DOCK2: variants seen among roughly 807,000 people sequenced by gnomAD.
DOCK2 encodes the protein dedicator of cytokinesis 2, also known as dedicator of cytokinesis protein 2.
DOCK2 carries 87 observed loss-of-function variants against 248.9 expected under a neutral mutation model. That is an observed-to-expected ratio of 0.35 (90% CI 0.29 to 0.42). The LOEUF (loss-of-function observed/expected upper bound fraction) is 0.42. Ranked by LOEUF, DOCK2 falls within the 10% of genes least tolerant of loss-of-function variation. DOCK2 has a pLI of 1.00. For synonymous variants in DOCK2, 805 were observed against 821.6 expected (o/e 0.98, Z 0.35); for missense variants, 1,747 against 2,300.2 (o/e 0.76, Z 4.92).
At chr5:169,699,089 T>TCAAGTCTTTACC (rs3841609) in intron 11 of DOCK2, among the ~76,000 whole-genome samples, 91,748 of 151,914 alleles carry the variant, frequency 0.6, 30,542 homozygotes, top group African/African-American at 0.89. Flanking sequence ...CAGGAGCAAC[T>TCAAGTCTTTACC]CTTGCTAAGC....
intron 44 of DOCK2, among the ~76,000 whole-genome samples, chr5:170,064,116 C>T (rs1431411087): frequency 6.6e-6 from 1 of 152,130 alleles, no homozygotes; most frequent in East Asian, 1.9e-4. Context: ...GGAACCCTAA[C>T]ATTTCACACT....
intron 27 of DOCK2, among the ~76,000 whole-genome samples, chr5:169,922,214 G>A (rs1483610513): frequency 6.6e-6 from 1 of 152,152 alleles, no homozygotes; most frequent in African/African-American, 2.4e-5. Flanking sequence ...AGTACAGTGT[G>A]CACATTGCCT....
chr5:169,974,102 C>T (rs891349230), intron 27 of DOCK2, among the ~76,000 whole-genome samples: 19 of 152,122 alleles, frequency 1.2e-4, no homozygotes, highest in African/African-American at 4.6e-4. Flanking sequence ...AAATGATAGC[C>T]TCCTTTTTTT....
chr5:170,048,467 T>G (rs1349079053), intron 40 of DOCK2, among the ~76,000 whole-genome samples: 1 of 152,174 alleles, frequency 6.6e-6, no homozygotes, highest in Non-Finnish European at 1.5e-5. Context: ...AACTGCAATT[T>G]TAGGAAAAAT....
At position 170,024,819 on chromosome 5, in the gene DOCK2, C is replaced by G. The variant is rs1041613440; in HGVS notation, c.3382-3044C>G. Among the ~76,000 whole-genome samples the G allele has an allele frequency of 1.8e-4, 28 of 152,126 alleles. 1 individual carries two copies. Among genetic ancestry groups the G allele is most frequent in the Admixed American group, 1.8e-3 (27 of 15,266 alleles). ...TGGGATATGCCTGACTGAGACCTTA[C>G]CCCTCCAGCTCACCCCAAGGGCTCA... On this transcript the variant is annotated intron_variant, in intron 33 of 51. Coordinates refer to ENST00000520908, the MANE Select transcript of DOCK2 (RefSeq NM_004946.3).
intron 25 of DOCK2, among the ~76,000 whole-genome samples, chr5:169,789,502 G>T (rs756646369): frequency 1.3e-5 from 2 of 152,150 alleles, no homozygotes; most frequent in Non-Finnish European, 2.9e-5. Flanking sequence ...CAAAGGTAAG[G>T]AGCATATGTT....
chr5:169,685,754 A>G (rs1461354338), intron 8 of DOCK2, among the ~76,000 whole-genome samples: 1 of 152,180 alleles, frequency 6.6e-6, no homozygotes, highest in Non-Finnish European at 1.5e-5. Flanking sequence ...TGGGGTCTGT[A>G]CATTGTCTCA....
intron 27 of DOCK2, among the ~76,000 whole-genome samples, chr5:169,856,701 G>A (rs1325379362): frequency 6.6e-6 from 1 of 152,194 alleles, no homozygotes; most frequent in Non-Finnish European, 1.5e-5. Flanking sequence ...TTGTAGAATT[G>A]AATTTCATCG....
intron 1 of DOCK2, among the ~76,000 whole-genome samples, chr5:169,653,635 G>A (rs1382422395): frequency 2.0e-5 from 3 of 152,176 alleles, no homozygotes; most frequent in African/African-American, 4.8e-5. Context: ...AGCTCAGCTG[G>A]CCCTGCCTGC....
At chr5:169,710,597 A>C (rs181423221) in intron 15 of DOCK2, among the ~76,000 whole-genome samples, 9 of 152,358 alleles carry the variant, frequency 5.9e-5, no homozygotes, top group African/African-American at 1.9e-4. Flanking sequence ...CAGCTTGATC[A>C]TAGCTTCAGA....
chr5:169,647,327 T>C (rs1057034665), intron 1 of DOCK2, among the ~76,000 whole-genome samples: 5 of 146,518 alleles, frequency 3.4e-5, no homozygotes, highest in African/African-American at 1.3e-4. Flanking sequence ...GGATGATAGA[T>C]GGGTGAGTGG....
intron 45 of DOCK2, among the ~76,000 whole-genome samples, chr5:170,068,126 G>A (rs1298447740): frequency 2.6e-5 from 4 of 152,148 alleles, no homozygotes; most frequent in Non-Finnish European, 5.9e-5. Context: ...AAAACTAAGA[G>A]ATCAACTCCA....
chr5:169,713,392 A>G (rs1168961567), intron 17 of DOCK2, among the ~76,000 whole-genome samples: 1 of 152,218 alleles, frequency 6.6e-6, no homozygotes, highest in African/African-American at 2.4e-5. Context: ...AGTAAGATAA[A>G]TGTTATCTTC....
intron 27 of DOCK2, among the ~76,000 whole-genome samples, chr5:169,963,309 C>T (rs1422821875): frequency 6.6e-6 from 1 of 152,158 alleles, no homozygotes; most frequent in Non-Finnish European, 1.5e-5. Context: ...ATCCAACCCA[C>T]AGCAGCCCTG....
Position 169,654,393 on chromosome 5 carries a change from T to G in DOCK2, c.44-10T>G, listed in dbSNP as rs770367983. 4 of 1,614,016 alleles carry G rather than the reference T, an allele frequency of 2.5e-6. No homozygotes were observed. In the Admixed American group the frequency reaches 5.0e-5, roughly 20 times the overall value. ...GGTCTCACCTAGCTGTCTTTCTTTC[T>G]GTTTCACAGCCATATACAACTTCCA... On this transcript the variant is annotated splice_polypyrimidine_tract_variant and intron_variant, in intron 1 of 51. Coordinates refer to ENST00000520908, the MANE Select transcript of DOCK2 (RefSeq NM_004946.3).
At chr5:169,827,867 A>ACAC (rs1561741007) in intron 26 of DOCK2, among the ~76,000 whole-genome samples, 2 of 150,460 alleles carry the variant, frequency 1.3e-5, no homozygotes, top group African/African-American at 4.9e-5. Context: ...AAACATTAAA[A>ACAC]ACACACACAC....
At chr5:169,895,659 G>A (rs1353983878) in intron 27 of DOCK2, among the ~76,000 whole-genome samples, 1 of 151,970 alleles carries the variant, frequency 6.6e-6, no homozygotes. Context: ...GCCCCCGAGA[G>A]CAGGGTGACA....
At chr5:170,076,163 A>G in intron 47 of DOCK2, 79 bp downstream of exon 47, 1 of 1,547,840 alleles carries the variant, frequency 6.5e-7, no homozygotes, top group Admixed American at 1.8e-5. Context: ...CTGAAGTTGG[A>G]GGGGATCCAG....
At chr5:169,797,812 G>C (rs931390721) in intron 25 of DOCK2, among the ~76,000 whole-genome samples, 4 of 152,146 alleles carry the variant, frequency 2.6e-5, no homozygotes, top group African/African-American at 9.7e-5. Flanking sequence ...GTGTTTGTTG[G>C]CTTGACAATC....
Sources: allele counts gnomAD v4.1 joint callset (sites outside exome capture counted in the v4.1 genomes callset), GRCh38; gene constraint gnomAD v4.1.1; transcripts MANE v1.5; gene names NCBI Gene and HGNC (gene_info 2026-07-23, HGNC 2026-07-21).